The following COL23A1 variants were observed in gnomAD, a reference collection of about 807,000 sequenced individuals.
COL23A1 encodes the protein collagen type XXIII alpha 1 chain, also known as collagen alpha-1(XXIII) chain.
In COL23A1, 97 loss-of-function variants were observed where a neutral mutation model predicts 99.3. The ratio of observed to expected loss-of-function variants is 0.98; its 90% CI spans 0.83 to 1.16. The LOEUF is 1.16. Among genes scored for constraint, COL23A1 ranks in the 50% most tolerant of loss-of-function variants. The pLI is 0.00. For missense variants in COL23A1, 762 were observed against 757.4 expected (o/e 1.01, Z -0.07); for synonymous variants, 320 against 308.2 (o/e 1.04, Z -0.40).
At chr5:178,312,824 C>T (rs548888884) in intron 2 of COL23A1, among the ~76,000 whole-genome samples, 2 of 152,294 alleles carry the variant, frequency 1.3e-5, no homozygotes, top group Admixed American at 6.5e-5. Flanking sequence ...GGAATCCACA[C>T]AACAGTCTGT....
chr5:178,493,606 C>T (rs1001580470), intron 2 of COL23A1, among the ~76,000 whole-genome samples: 1 of 152,232 alleles, frequency 6.6e-6, no homozygotes, highest in African/African-American at 2.4e-5. Context: ...CCCTGCCAGC[C>T]GCTCTGGCCA....
chr5:178,544,068 A>C lies in COL23A1; in HGVS notation c.361+16614T>G, dbSNP rs986430260. On this transcript the variant is annotated intron_variant, in intron 2 of 28. Transcript: ENST00000390654. The surrounding 1 kb of genome is among the most constrained non-coding windows in gnomAD (Gnocchi z 4.4). ...TCCTAACACCATTACCTTGGAGATT[A>C]GGATTTCAACATATGACTTTGGGAC... Among the ~76,000 whole-genome samples, 2 of 152,164 alleles carry C rather than the reference A, an allele frequency of 1.3e-5. No homozygotes were observed. The highest frequency in any genetic ancestry group is 4.8e-5 in the African/African-American group (2 of 41,438).
intron 2 of COL23A1, among the ~76,000 whole-genome samples, chr5:178,489,965 G>A (rs929751767): frequency 4.6e-5 from 7 of 152,174 alleles, no homozygotes; most frequent in African/African-American, 1.4e-4. Context: ...TGGGTGTGGT[G>A]GTTCACTCCT....
chr5:178,345,982 G>T (rs1760946824), intron 2 of COL23A1, among the ~76,000 whole-genome samples: 1 of 152,022 alleles, frequency 6.6e-6, no homozygotes, highest in Non-Finnish European at 1.5e-5. Context: ...TTTTCATCCT[G>T]TTAGGACTCA....
At chr5:178,363,095 T>G (rs901464009) in intron 2 of COL23A1, among the ~76,000 whole-genome samples, 1 of 151,404 alleles carries the variant, frequency 6.6e-6, no homozygotes, top group African/African-American at 2.4e-5. Context: ...TTTTTGGCTT[T>G]AAGTCAATTC....
intron 2 of COL23A1, among the ~76,000 whole-genome samples, chr5:178,414,288 A>C (rs932476917): frequency 2.0e-5 from 3 of 152,104 alleles, no homozygotes; most frequent in Non-Finnish European, 4.4e-5. Flanking sequence ...CAGATGATTT[A>C]TCTACTTGAT....
intron 3 of COL23A1, among the ~76,000 whole-genome samples, chr5:178,296,891 C>G: frequency 6.6e-6 from 1 of 152,222 alleles, no homozygotes; most frequent in East Asian, 1.9e-4. Context: ...ATGCCAGCAC[C>G]AGCGTCACAG....
intron 3 of COL23A1, among the ~76,000 whole-genome samples, chr5:178,294,559 G>A (rs1757643435): frequency 1.3e-5 from 2 of 151,296 alleles, no homozygotes; most frequent in South Asian, 4.2e-4. Flanking sequence ...CTGAGCCTCT[G>A]GAAACAGTAA....
intron 1 of COL23A1, among the ~76,000 whole-genome samples, chr5:178,588,021 C>T (rs1311484842): frequency 6.6e-6 from 1 of 152,186 alleles, no homozygotes; most frequent in African/African-American, 2.4e-5. Flanking sequence ...CCTCAGATAC[C>T]CAGCTGGGAT....
chr5:178,247,334 G>A lies in COL23A1; in HGVS notation c.1296+192C>T, dbSNP rs931502902. Among the ~76,000 whole-genome samples, 11 of 152,282 alleles carry A rather than the reference G, an allele frequency of 7.2e-5. No individual in the cohort carries two copies. The East Asian group carries it at 2.1e-3, about 30-fold the overall frequency. ...AGTGGGAGAGGAGAGCCTCAAGGGT[G>A]GAGAGGGGGGCATTGGCCTCAACGA... is the stretch of plus-strand genomic sequence containing the variant. On this transcript the variant is annotated intron_variant, in intron 22 of 28. Coordinates refer to ENST00000390654, the MANE Select transcript of COL23A1 (RefSeq NM_173465.4).
chr5:178,390,710 T>G (rs1763918739), intron 2 of COL23A1, among the ~76,000 whole-genome samples: 2 of 152,250 alleles, frequency 1.3e-5, no homozygotes, highest in Non-Finnish European at 2.9e-5. Context: ...CACATGGTGC[T>G]GGCACAGCTA....
intron 2 of COL23A1, among the ~76,000 whole-genome samples, chr5:178,455,184 G>A (rs1174891385): frequency 6.6e-6 from 1 of 152,144 alleles, no homozygotes; most frequent in Non-Finnish European, 1.5e-5. Flanking sequence ...CAATCTTTCC[G>A]GGGGGGACAC....
chr5:178,351,745 G>GC (rs368672332), intron 2 of COL23A1, among the ~76,000 whole-genome samples: 2 of 152,016 alleles, frequency 1.3e-5, no homozygotes, highest in Admixed American at 6.5e-5. Context: ...GACTAATTGT[G>GC]CCCCCCCAGT....
intron 2 of COL23A1, among the ~76,000 whole-genome samples, chr5:178,342,558 G>C (rs1412792378): frequency 6.6e-6 from 1 of 152,150 alleles, no homozygotes; most frequent in Non-Finnish European, 1.5e-5. Context: ...CCATTTCCCA[G>C]GTCCCACCGG....
chr5:178,453,585 C>T (rs1353023566), intron 2 of COL23A1, among the ~76,000 whole-genome samples: 1 of 152,192 alleles, frequency 6.6e-6, no homozygotes, highest in Non-Finnish European at 1.5e-5. Context: ...TGCACTTTCA[C>T]AGACTTCCAA....
intron 2 of COL23A1, among the ~76,000 whole-genome samples, chr5:178,400,563 C>A (rs1764392589): frequency 6.6e-6 from 1 of 152,048 alleles, no homozygotes; most frequent in East Asian, 1.9e-4. Flanking sequence ...TAAAAGTTAC[C>A]ATTTTAACCA....
intron 2 of COL23A1, among the ~76,000 whole-genome samples, chr5:178,376,249 C>T (rs968880382): frequency 1.3e-5 from 2 of 152,240 alleles, no homozygotes; most frequent in Non-Finnish European, 2.9e-5. Flanking sequence ...GGCATGCCAT[C>T]GGATCCGGGT....
Position 178,552,861 on chromosome 5 carries a change from G to C in COL23A1, c.361+7821C>G, listed in dbSNP as rs13190481. On this transcript the variant is annotated intron_variant, in intron 2 of 28. Coordinates refer to ENST00000390654, the MANE Select transcript of COL23A1 (RefSeq NM_173465.4). ...CCTGAGTAGCTGGGACTACAGGCGC[G>C]TGCCACCACACCTGGCTAATTTTTG... Among the ~76,000 whole-genome samples, 181 of 151,828 alleles carry C rather than the reference G, an allele frequency of 1.2e-3. 2 individuals carry two copies. In the East Asian group the frequency reaches 0.023, roughly 19 times the overall value.
chr5:178,537,476 GTGTCCACAGA>G lies in COL23A1; in HGVS notation c.361+23196_361+23205del, dbSNP rs541886293. Among the ~76,000 whole-genome samples, 61 of 152,380 alleles carry G rather than the reference GTGTCCACAGA, an allele frequency of 4.0e-4. No homozygotes were observed. The East Asian group carries it at 0.011, about 27-fold the overall frequency. On this transcript the variant is annotated intron_variant, in intron 2 of 28. Coordinates refer to ENST00000390654, the MANE Select transcript of COL23A1 (RefSeq NM_173465.4). ...AACTAGTACCGAGGAGAGGAGAACA[GTGTCCACAGA>G]TGCCTGGGACTGACGGAGGACAAGG...
Sources: gnomAD v4.1 joint callset for allele counts (sites outside exome capture counted in the v4.1 genomes callset) on GRCh38, gnomAD v4.1.1 for gene constraint, Gnocchi (gnomAD v3.1) non-coding constraint, MANE v1.5 for transcripts, NCBI Gene and HGNC (gene_info 2026-07-23, HGNC 2026-07-21) for gene names.